Variants in STAU2 observed in about 807,000 individuals in gnomAD.
STAU2 encodes double-stranded RNA-binding protein Staufen homolog 2.
A neutral mutation model predicts 65.9 loss-of-function variants in STAU2; 20 were observed. The observed-to-expected ratio is 0.30, with a 90% CI of 0.21 to 0.44. STAU2 has a LOEUF of 0.44. Among genes scored for constraint, STAU2 ranks in the 20% least tolerant of loss-of-function variants. The pLI, the probability that STAU2 is intolerant of heterozygous loss-of-function variation, is 1.00. For missense variants in STAU2, 558 were observed against 683.9 expected (o/e 0.82, Z 2.05); for synonymous variants, 232 against 233.9 (o/e 0.99, Z 0.07).
At chr8:73,541,669 T>C (rs1001027807) in intron 13 of STAU2, among the ~76,000 whole-genome samples, 1 of 152,108 alleles carries the variant, frequency 6.6e-6, no homozygotes, top group African/African-American at 2.4e-5. Flanking sequence ...GCAGGTATGA[T>C]ATAGATGTTC....
At position 73,567,852 on chromosome 8, in the gene STAU2, G is replaced by C. The variant is rs766538154; in HGVS notation, c.1222+14918C>G. Among the ~76,000 whole-genome samples the C allele has an allele frequency of 5.3e-5, 8 of 151,982 alleles. 1 individual carries two copies. Among genetic ancestry groups the C allele is most frequent in the Admixed American group, 4.6e-4 (7 of 15,266 alleles). On this transcript the variant is annotated intron_variant, in intron 12 of 14. Transcript: ENST00000524300. ...GCATCCCACCTTTTCTTACTCGCTG[G>C]GGGGGAGGGGGGAGTTGGGCAGGAT...
chr8:73,695,250 T>C (rs1448254735), intron 4 of STAU2, among the ~76,000 whole-genome samples: 4 of 152,168 alleles, frequency 2.6e-5, no homozygotes, highest in African/African-American at 9.7e-5. Flanking sequence ...GAGAACTTTG[T>C]CTTGCATTTT....
intron 4 of STAU2, among the ~76,000 whole-genome samples, chr8:73,699,107 T>TTC: frequency 6.6e-6 from 1 of 151,860 alleles, no homozygotes; most frequent in South Asian, 2.1e-4. Flanking sequence ...AATGAAGAAA[T>TTC]TAAGAAGGGA....
intron 4 of STAU2, among the ~76,000 whole-genome samples, chr8:73,707,823 G>C (rs972317206): frequency 1.3e-5 from 2 of 151,750 alleles, no homozygotes; most frequent in Non-Finnish European, 2.9e-5. Context: ...GAGAACTATA[G>C]GTCCCACTGG....
chr8:73,542,799 T>C (rs1806630659), intron 13 of STAU2, among the ~76,000 whole-genome samples: 1 of 152,162 alleles, frequency 6.6e-6, no homozygotes, highest in Non-Finnish European at 1.5e-5. Context: ...AGACTGACCA[T>C]ATTAACGTGT....
Position 73,420,667 on chromosome 8 carries a change from A to T in STAU2, c.*705T>A, listed in dbSNP as rs1816326832. 1 of 160,002 alleles carries T rather than the reference A, an allele frequency of 6.2e-6. No individual in the cohort carries two copies. The highest frequency in any genetic ancestry group is 1.4e-5 in the Non-Finnish European group (1 of 72,268). The allele number at this position is 160,002 out of a possible 1,614,324, so 9.9% of individuals were successfully genotyped here. ...GCAAGACGCCCCCTTACTTGCTAAG[A>T]GTATATGGAGCTCAAAACCCACAAT... On this transcript the variant is annotated 3_prime_UTR_variant, in exon 15 of 15. Transcript: ENST00000524300.
intron 10 of STAU2, among the ~76,000 whole-genome samples, chr8:73,603,263 T>G (rs1015129444): frequency 1.3e-5 from 2 of 152,176 alleles, no homozygotes; most frequent in Admixed American, 6.5e-5. Context: ...TCAGCAATCC[T>G]GAGTGCCTCA....
intron 13 of STAU2, among the ~76,000 whole-genome samples, chr8:73,445,890 G>T (rs570476399): frequency 1.2e-4 from 18 of 152,268 alleles, no homozygotes; most frequent in Non-Finnish European, 2.1e-4. Context: ...ATGTAAACTG[G>T]CTCAGCCACT....
At chr8:73,539,744 G>A (rs1454347511) in intron 13 of STAU2, among the ~76,000 whole-genome samples, 1 of 151,902 alleles carries the variant, frequency 6.6e-6, no homozygotes, top group African/African-American at 2.4e-5. Context: ...TCAGGAGGCT[G>A]AGGCAAGATA....
At chr8:73,690,076 C>T (rs1190946906) in intron 4 of STAU2, among the ~76,000 whole-genome samples, 1 of 151,568 alleles carries the variant, frequency 6.6e-6, no homozygotes, top group African/African-American at 2.4e-5. Flanking sequence ...CGCCTGTAAT[C>T]CCAGCACTTT....
intron 13 of STAU2, among the ~76,000 whole-genome samples, chr8:73,429,001 A>G (rs112268628): frequency 5.3e-5 from 8 of 152,246 alleles, no homozygotes; most frequent in African/African-American, 1.9e-4. Flanking sequence ...CCACGAATGG[A>G]TTTTCAGAAT....
At chr8:73,742,752 C>T (rs115967137) in intron 1 of STAU2, among the ~76,000 whole-genome samples, 2,053 of 151,884 alleles carry the variant, frequency 0.014, 47 homozygotes, top group African/African-American at 0.047. Flanking sequence ...ACGTGATGCT[C>T]ATGAAGAATG....
At chr8:73,539,572 GT>G (rs1350150092) in intron 13 of STAU2, among the ~76,000 whole-genome samples, 1 of 152,162 alleles carries the variant, frequency 6.6e-6, no homozygotes, top group African/African-American at 2.4e-5. Context: ...GCCAGGTGTG[GT>G]GGCTCATGCC....
chr8:73,551,766 TA>T (rs1335938768), intron 13 of STAU2: 2 of 1,158,294 alleles, frequency 1.7e-6, no homozygotes, highest in Non-Finnish European at 2.1e-6. Flanking sequence ...GAAAAATGCT[TA>T]AAAAAGAAGA....
intron 13 of STAU2, among the ~76,000 whole-genome samples, chr8:73,524,669 A>C (rs1823247149): frequency 6.6e-6 from 1 of 152,200 alleles, no homozygotes; most frequent in African/African-American, 2.4e-5. Context: ...GTGTTTCATA[A>C]GAAGGACCAC....
At chr8:73,689,895 T>C (rs1255518535) in intron 4 of STAU2, among the ~76,000 whole-genome samples, 1 of 151,644 alleles carries the variant, frequency 6.6e-6, no homozygotes, top group Non-Finnish European at 1.5e-5. Context: ...TGGCCAAAAA[T>C]GTTTAATCTG....
intron 12 of STAU2, among the ~76,000 whole-genome samples, chr8:73,569,994 A>G (rs1808922918): frequency 6.6e-6 from 1 of 152,258 alleles, no homozygotes; most frequent in Admixed American, 6.5e-5. Context: ...AAGGCTTCAG[A>G]TGATTGGTAA....
At chr8:73,444,016 T>C (rs909264057) in intron 13 of STAU2, among the ~76,000 whole-genome samples, 3 of 152,184 alleles carry the variant, frequency 2.0e-5, no homozygotes, top group Non-Finnish European at 4.4e-5. Context: ...TTCCATGTTG[T>C]GACTCTGCTC....
At chr8:73,592,018 A>C (rs990976570) in intron 11 of STAU2, among the ~76,000 whole-genome samples, 1 of 151,602 alleles carries the variant, frequency 6.6e-6, no homozygotes, top group Admixed American at 6.6e-5. Flanking sequence ...ATTAGAAAAA[A>C]GAAAGTTCTC....
Sources: gnomAD v4.1 joint callset for allele counts (sites outside exome capture counted in the v4.1 genomes callset) on GRCh38, gnomAD v4.1.1 for gene constraint, MANE v1.5 for transcripts, NCBI Gene and HGNC (gene_info 2026-07-23, HGNC 2026-07-21) for gene names.